Variants in POFUT2 observed in about 807,000 individuals in gnomAD.
POFUT2 encodes protein O-fucosyltransferase 2.
In POFUT2, 30 loss-of-function variants were observed where a neutral mutation model predicts 55.0. The observed-to-expected ratio is 0.55, with a 90% CI of 0.41 to 0.74. The LOEUF is 0.74. Ranked by LOEUF, POFUT2 falls within the 30% of genes least tolerant of loss-of-function variation. The probability of loss-of-function intolerance (pLI) is 0.00; values close to 1 mark genes in which losing one functional copy is unlikely to be tolerated. For missense variants in POFUT2, 524 were observed against 562.6 expected (o/e 0.93, Z 0.69); for synonymous variants, 267 against 231.1 (o/e 1.16, Z -1.41).
rs200142791 is a variant in POFUT2, at chr21:45,267,465, A to G, written c.1136+125T>C. ...CTACAGGAGACTCAGACGAGGAGGC[A>G]AACAGTATGGAAATGACCACTGTGA... On this transcript the variant is annotated intron_variant, in intron 8 of 8. Transcript: ENST00000349485. This position sits in a 1 kb window ranked among gnomAD's most constrained non-coding sequence, Gnocchi z 4.4. 1.2e-6 allele frequency: 2 copies of G among 1,614,144 alleles called. No homozygotes were observed. Among genetic ancestry groups the G allele is most frequent in the East Asian group, 4.5e-5 (2 of 44,882 alleles).
chr21:45,277,325 C>A lies in POFUT2; in HGVS notation c.706-183G>T. On this transcript the variant is annotated intron_variant, in intron 5 of 8. Transcript: ENST00000349485. This position sits in a 1 kb window ranked among gnomAD's most constrained non-coding sequence, Gnocchi z 6.9. ...GTGGAGGCTCTTGGAGGGTCTCCTGCATGAAGCCAACGCAGGGCAAGCCGC... is the reference window on the plus strand; with the variant it reads ...GTGGAGGCTCTTGGAGGGTCTCCTGAATGAAGCCAACGCAGGGCAAGCCGC... 1.3e-6 allele frequency: 1 copy of A among 785,918 alleles called. No homozygotes were observed. Among genetic ancestry groups the A allele is most frequent in the Non-Finnish European group, 1.9e-6 (1 of 514,910 alleles). The allele number at this position is 785,918 out of a possible 1,614,324, so 48.7% of individuals were successfully genotyped here.
At chr21:45,272,320 T>C (rs1415404402) in intron 6 of POFUT2, among the ~76,000 whole-genome samples, 2 of 152,200 alleles carry the variant, frequency 1.3e-5, no homozygotes, top group Non-Finnish European at 2.9e-5. Context: ...AGGAACATTA[T>C]ATAATGATAA....
rs199950580 is a variant in POFUT2 at position 45,270,058 on chromosome 21, C to T, written c.832-39G>A. ...ACAAGGAAATGCAGAAGCTGACAGG[C>T]GGGCTCGGGGCTCATCCTGGGCACC... On this transcript the variant is annotated intron_variant, in intron 6 of 8. Transcript: ENST00000349485. This position sits in a 1 kb window ranked among gnomAD's most constrained non-coding sequence, Gnocchi z 4.6. 185 of 1,477,104 alleles carry T rather than the reference C, an allele frequency of 1.3e-4. No homozygotes were observed. Among genetic ancestry groups the T allele is most frequent in the Middle Eastern group, 2.2e-4 (1 of 4,506 alleles). The allele number at this position is 1,477,104 out of a possible 1,614,324, so 91.5% of individuals were successfully genotyped here.
chr21:45,277,462 C>T lies in POFUT2; in HGVS notation c.706-320G>A, dbSNP rs575671119. ...CTGTGTGCAGCTCCTTCCCCTCAGTCTCTCCCCAACTCGACTTCTAGCTTA... is the reference window on the plus strand; with the variant it reads ...CTGTGTGCAGCTCCTTCCCCTCAGTTTCTCCCCAACTCGACTTCTAGCTTA... On this transcript the variant is annotated intron_variant, in intron 5 of 8. Coordinates refer to ENST00000349485, the MANE Select transcript of POFUT2 (RefSeq NM_133635.6). This position sits in a 1 kb window ranked among gnomAD's most constrained non-coding sequence, Gnocchi z 6.9. 5.6e-6 allele frequency: 2 copies of T among 356,650 alleles called. No homozygotes were observed. Among genetic ancestry groups the T allele is most frequent in the Non-Finnish European group, 1.1e-5 (2 of 189,710 alleles). 22.1% of individuals were successfully genotyped at this position (356,650 alleles called of 1,614,324 possible). A position where few individuals can be genotyped will look rare whatever the true frequency, so the allele number is the denominator to read the frequency against.
intron 7 of POFUT2, among the ~76,000 whole-genome samples, chr21:45,269,381 T>C (rs2093196457): frequency 1.3e-5 from 2 of 152,038 alleles, no homozygotes; most frequent in South Asian, 4.2e-4. Flanking sequence ...AGAAATCGGA[T>C]GGTTGCCGTG....
intron 6 of POFUT2, among the ~76,000 whole-genome samples, chr21:45,272,346 G>A (rs544459300): frequency 2.0e-5 from 3 of 152,254 alleles, no homozygotes; most frequent in South Asian, 2.1e-4. Context: ...TCAGTCCAAC[G>A]GGAGAATGCC....
intron 2 of POFUT2, among the ~76,000 whole-genome samples, chr21:45,283,837 T>C (rs1286393692): frequency 6.6e-6 from 1 of 152,112 alleles, no homozygotes; most frequent in Non-Finnish European, 1.5e-5. Flanking sequence ...CCTCACGCCG[T>C]GGTCCAGGCT....
chr21:45,277,135 C>A lies in POFUT2; in HGVS notation c.713G>T (p.Arg238Leu). The A allele has an allele frequency of 6.2e-7, 1 of 1,613,320 alleles. No homozygotes were observed. The highest frequency in any genetic ancestry group is 8.5e-7 in the Non-Finnish European group (1 of 1,179,852). Residue 238 changes from arginine (R) to leucine (L), a missense_variant, in exon 6 of 9, where the codon CGC becomes CTC. Arg to Leu is a moderately radical substitution (Grantham distance 102). Transcript: ENST00000349485. This position sits in a 1 kb window ranked among gnomAD's most constrained non-coding sequence, Gnocchi z 6.9. ...YGGKEYWDTR[R>L]SMVFARHLRE... ...CAGGTGCCTGGCAAACACCATGCTG[C>A]GACGGGTCTGTGGAAACGGCGACGG...
In POFUT2 at chr21:45,267,795, G is replaced by A. The variant is rs1021189094; in HGVS notation, c.1013-82C>T. The A allele has an allele frequency of 1.3e-5, 16 of 1,255,484 alleles. No homozygotes were observed. The highest frequency in any genetic ancestry group is 3.8e-4 in the Middle Eastern group (2 of 5,224). The allele number at this position is 1,255,484 out of a possible 1,614,324, so 77.8% of individuals were successfully genotyped here. On this transcript the variant is annotated intron_variant, in intron 7 of 8. Coordinates refer to ENST00000349485, the MANE Select transcript of POFUT2 (RefSeq NM_133635.6). This position sits in a 1 kb window ranked among gnomAD's most constrained non-coding sequence, Gnocchi z 4.4. ...GTGACTCTTTAGCAGACAGACATGC[G>A]TACTTGGCTTCTGGTTAATTCGTTA...
At position 45,282,475 on chromosome 21, in the gene POFUT2, C is replaced by A; in HGVS notation, c.528-16G>T. On this transcript the variant is annotated splice_polypyrimidine_tract_variant and intron_variant, in intron 3 of 8. Transcript: ENST00000349485. This position sits in a 1 kb window ranked among gnomAD's most constrained non-coding sequence, Gnocchi z 4.6. ...AAACCATCCTCTGGAAAACAAAACC[C>A]ACAGCAGCTCTATCAGTTTATTTTG... 7.1e-7 allele frequency: 1 copy of A among 1,404,364 alleles called. No homozygotes were observed. Among genetic ancestry groups the A allele is most frequent in the South Asian group, 1.2e-5 (1 of 86,870 alleles). The allele number at this position is 1,404,364 out of a possible 1,614,324, so 87.0% of individuals were successfully genotyped here. A position where few individuals can be genotyped will look rare whatever the true frequency, so the allele number is the denominator to read the frequency against.
At chr21:45,275,775 A>C (rs2093257423) in intron 6 of POFUT2, among the ~76,000 whole-genome samples, 1 of 152,158 alleles carries the variant, frequency 6.6e-6, no homozygotes. Flanking sequence ...AAAAGACTAC[A>C]CATTGGGGAC....
chr21:45,287,214 T>A (rs1045797041), intron 1 of POFUT2, among the ~76,000 whole-genome samples: 1 of 72,510 alleles, frequency 1.4e-5, no homozygotes. Context: ...CCCCTGCCCC[T>A]GCCCCTGTCC....
intron 3 of POFUT2, 67 bp downstream of exon 3, chr21:45,283,316 G>C (rs2030960062): frequency 3.7e-6 from 3 of 817,192 alleles, no homozygotes; most frequent in Non-Finnish European, 3.4e-6. Context: ...GGCGGGGGGG[G>C]GGGGACGCAT....
At chr21:45,271,279 T>C (rs2093217872) in intron 6 of POFUT2, among the ~76,000 whole-genome samples, 1 of 152,066 alleles carries the variant, frequency 6.6e-6, no homozygotes, top group Non-Finnish European at 1.5e-5. Flanking sequence ...AATAATAGAC[T>C]AGAACAGGAG....
intron 4 of POFUT2, among the ~76,000 whole-genome samples, chr21:45,279,834 G>A (rs1236159006): frequency 1.3e-5 from 2 of 152,216 alleles, no homozygotes; most frequent in East Asian, 3.8e-4. Context: ...TAATACCCAG[G>A]TGAATGGCTG....
intron 8 of POFUT2, chr21:45,266,172 C>A (rs369710371): frequency 7.3e-7 from 1 of 1,367,326 alleles, no homozygotes; most frequent in Non-Finnish European, 9.8e-7. Context: ...AGCGGCCTGC[C>A]CGTTCCTCCG....
chr21:45,280,088 G>A (rs1017256954), intron 4 of POFUT2, among the ~76,000 whole-genome samples: 3 of 152,086 alleles, frequency 2.0e-5, no homozygotes, highest in East Asian at 1.9e-4. Flanking sequence ...AGGACATTCC[G>A]CACGGGCACA....
At chr21:45,279,471 C>T (rs1372363896) in intron 4 of POFUT2, among the ~76,000 whole-genome samples, 1 of 152,168 alleles carries the variant, frequency 6.6e-6, no homozygotes, top group Admixed American at 6.5e-5. Flanking sequence ...TCTAAGTTGG[C>T]ATTTTATAGA....
rs1202984544 is a variant in POFUT2 at position 45,267,005 on chromosome 21, G to A, written c.1136+585C>T. On this transcript the variant is annotated intron_variant, in intron 8 of 8. Transcript: ENST00000349485. The surrounding 1 kb of genome is among the most constrained non-coding windows in gnomAD (Gnocchi z 4.4). ...AGGAATGACTGCACGCAGGGCCCAC[G>A]CTCCCGGCCTCTGGGACGCTCACGG... 5.7e-6 allele frequency: 6 copies of A among 1,043,866 alleles called. No individual in the cohort carries two copies. The highest frequency in any genetic ancestry group is 4.6e-4 in the Middle Eastern group (1 of 2,154). The allele number at this position is 1,043,866 out of a possible 1,614,324, so 64.7% of individuals were successfully genotyped here. A position where few individuals can be genotyped will look rare whatever the true frequency, so the allele number is the denominator to read the frequency against.
Sources: gnomAD v4.1 joint callset for allele counts (sites outside exome capture counted in the v4.1 genomes callset) on GRCh38, gnomAD v4.1.1 for gene constraint, Gnocchi (gnomAD v3.1) non-coding constraint, MANE v1.5 for transcripts, NCBI Gene and HGNC (gene_info 2026-07-23, HGNC 2026-07-21) for gene names.